SENP3: variants seen among roughly 807,000 people sequenced by gnomAD.
SENP3 encodes SUMO specific peptidase 3.
Under a neutral mutation model 66.2 loss-of-function variants are expected in SENP3, and 11 were observed. The ratio of observed to expected loss-of-function variants is 0.17; its 90% CI spans 0.10 to 0.28. The LOEUF is 0.28. Among genes scored for constraint, SENP3 ranks in the 10% least tolerant of loss-of-function variants. The pLI is 1.00. For missense variants in SENP3, 548 were observed against 743.7 expected, an observed-to-expected ratio of 0.74 and a Z score of 3.06; for synonymous variants, 292 against 277.6, an observed-to-expected ratio of 1.05 and a Z score of -0.52.
Position 7,564,879 on chromosome 17 carries a change from A to C in SENP3, c.955+15A>C. The C allele has an allele frequency of 1.2e-6, 2 of 1,603,392 alleles. No homozygotes were observed. Among genetic ancestry groups the C allele is most frequent in the Non-Finnish European group, 1.7e-6 (2 of 1,172,088 alleles). ...CTGCGTACAGAGTAAGGAGCCCTTA[A>C]GCAACTAGCCTCTCTCCCTTCTCCG... On this transcript the variant is annotated intron_variant, in intron 3 of 10. Transcript: ENST00000321337.
chr17:7,567,789 C>T (rs577236091), intron 7 of SENP3, among the ~76,000 whole-genome samples: 4 of 151,880 alleles, frequency 2.6e-5, no homozygotes, highest in Non-Finnish European at 5.9e-5. Context: ...AAGACATGTA[C>T]GGTAGGCTGA....
chr17:7,563,908 G>A (rs1183390549), intron 2 of SENP3, 117 bp downstream of exon 2: 11 of 876,230 alleles, frequency 1.3e-5, no homozygotes, highest in Non-Finnish European at 1.9e-5. Flanking sequence ...TAGGATGGAA[G>A]AGTGCCGGCT....
Position 7,563,795 on chromosome 17 carries a change from A to G in SENP3, c.715+4A>G. ...TCTCCTCTGGACCCTGACTCGGGTAAGGTGGGAAAGGGGTGTGGGGTTGCG... is the reference window on the plus strand; with the variant it reads ...TCTCCTCTGGACCCTGACTCGGGTAGGGTGGGAAAGGGGTGTGGGGTTGCG... On this transcript the variant is annotated splice_donor_region_variant and intron_variant, in intron 2 of 10. Transcript: ENST00000321337. 1 of 1,007,668 alleles carries G rather than the reference A, an allele frequency of 9.9e-7. No individual in the cohort carries two copies. Among genetic ancestry groups the G allele is most frequent in the Non-Finnish European group, 1.5e-6 (1 of 686,840 alleles). 62.4% of individuals were successfully genotyped at this position (1,007,668 alleles called of 1,614,324 possible).
chr17:7,566,651 G>A (rs1303699647), intron 6 of SENP3, among the ~76,000 whole-genome samples: 1 of 141,902 alleles, frequency 7.0e-6, no homozygotes, highest in Non-Finnish European at 1.5e-5. Flanking sequence ...GGGCGACAGA[G>A]CAAGGCCCTG....
chr17:7,567,633 C>T (rs1452874594), intron 7 of SENP3, among the ~76,000 whole-genome samples: 1 of 151,966 alleles, frequency 6.6e-6, no homozygotes, highest in African/African-American at 2.4e-5. Context: ...GCCAGCCATG[C>T]GCAGACCTGG....
chr17:7,564,832 C>T lies in SENP3; in HGVS notation c.923C>T (p.Pro308Leu). ...GGGGAGAAAGCCGGCCAGCACAGCC[C>T]CCTGCGAGAGGAGCATGTGACCTGC... ...RPGEKAGQHSPLREEHVTCVQ... is the reference protein window; with the variant it reads ...RPGEKAGQHSLLREEHVTCVQ... Residue 308 changes from proline to leucine, a missense_variant, in exon 3 of 11, where the codon CCC (proline) becomes CTC (leucine). By Grantham distance (98) the Pro-to-Leu change is moderately conservative. This residue lies in a region of SENP3 where 215 missense variants were observed against 230.7 expected (regional missense o/e 0.93). Transcript: ENST00000321337. 1 of 1,612,436 alleles carries T rather than the reference C, an allele frequency of 6.2e-7. No individual in the cohort carries two copies. The highest frequency in any genetic ancestry group is 8.5e-7 in the Non-Finnish European group (1 of 1,179,112).
chr17:7,563,726 C>T lies in SENP3; in HGVS notation c.650C>T (p.Ser217Phe). 1 of 1,612,000 alleles carries T rather than the reference C, an allele frequency of 6.2e-7. No individual in the cohort carries two copies. The change falls in exon 2 of 11, where the codon TCT (serine) becomes TTT (phenylalanine). Residue 217 changes from serine (S) to phenylalanine (F), a missense_variant. Transcript: ENST00000321337. ...DGVRGSPPVP[S>F]GPPMEEDGLR... ...GTGAGAGGGTCTCCACCAGTGCCCT[C>T]TGGGCCCCCCATGGAGGAAGATGGA...
intron 4 of SENP3, 122 bp downstream of exon 4, chr17:7,565,192 G>T: frequency 2.3e-6 from 2 of 861,090 alleles, no homozygotes; most frequent in Non-Finnish European, 3.6e-6. Flanking sequence ...TGAAGGGGAG[G>T]ACTCTGCAGG....
intron 3 of SENP3, 23 bp downstream of exon 3, chr17:7,564,887 G>C: frequency 6.2e-7 from 1 of 1,602,632 alleles, no homozygotes; most frequent in Non-Finnish European, 8.5e-7. Flanking sequence ...TAAGCAACTA[G>C]CCTCTCTCCC....
At chr17:7,567,138 A>G in intron 7 of SENP3, 134 bp downstream of exon 7, 3 of 713,452 alleles carry the variant, frequency 4.2e-6, no homozygotes, top group Non-Finnish European at 7.6e-6. Context: ...GTGTGTAGGC[A>G]CTAAGGATAC....
At chr17:7,566,669 T>TA (rs34349099) in intron 6 of SENP3, among the ~76,000 whole-genome samples, 73,772 of 135,768 alleles carry the variant, frequency 0.54, 19,472 homozygotes, top group Middle Eastern at 0.68. Context: ...CTGCCTCAAA[T>TA]AAAAAAAAAA....
rs1020695492 is a variant in SENP3, at chr17:7,562,833, C to T, written c.-11-233C>T. Among the ~76,000 whole-genome samples the T allele has an allele frequency of 2.0e-5, 3 of 152,176 alleles. No homozygotes were observed. The highest frequency in any genetic ancestry group is 2.0e-4 in the Admixed American group (3 of 15,278). On this transcript the variant is annotated intron_variant, in intron 1 of 10. Coordinates refer to ENST00000321337, the MANE Select transcript of SENP3 (RefSeq NM_015670.6). The surrounding 1 kb of genome is among the most constrained non-coding windows in gnomAD (Gnocchi z 5.0). ...GATCTTAGAAATAAGATCTCTGAGG[C>T]CTGCTGCTTAGCCATTTTCCCTTGT...
rs2071222647 is a variant in SENP3 at position 7,562,275 on chromosome 17, C to T, written c.-12+12C>T. 1 of 398,262 alleles carries T rather than the reference C, an allele frequency of 2.5e-6. No homozygotes were observed. Among genetic ancestry groups the T allele is most frequent in the Admixed American group, 4.4e-5 (1 of 22,722 alleles). 24.7% of individuals were successfully genotyped at this position (398,262 alleles called of 1,614,324 possible). A position where few individuals can be genotyped will look rare whatever the true frequency, so the allele number is the denominator to read the frequency against. ...CTTCCCCGCTCCCGGTGAGGACGCCCCCTCCCCTCCCCCCAGCCCTGCCTT... is the reference window on the plus strand; with the variant it reads ...CTTCCCCGCTCCCGGTGAGGACGCCTCCTCCCCTCCCCCCAGCCCTGCCTT... On this transcript the variant is annotated intron_variant, in intron 1 of 10. Coordinates refer to ENST00000321337, the MANE Select transcript of SENP3 (RefSeq NM_015670.6). This position sits in a 1 kb window ranked among gnomAD's most constrained non-coding sequence, Gnocchi z 5.0.
At position 7,570,580 on chromosome 17, in the gene SENP3, T is replaced by C; in HGVS notation, c.1479+87T>C. 6.4e-7 allele frequency: 1 copy of C among 1,570,238 alleles called. No homozygotes were observed. The highest frequency in any genetic ancestry group is 2.3e-5 in the East Asian group (1 of 42,938). ...GGAAGAAGGGTGGGCTTTGGGTCTT[T>C]GAGGGGCGACCTGGGCATGGTGTCT... On this transcript the variant is annotated intron_variant, in intron 8 of 10. Coordinates refer to ENST00000321337, the MANE Select transcript of SENP3 (RefSeq NM_015670.6). This position sits in a 1 kb window ranked among gnomAD's most constrained non-coding sequence, Gnocchi z 5.4.
In SENP3 at chr17:7,570,241, T is replaced by TC; in HGVS notation, c.1342-114dup. ...GCTTGCCCACAATCTAGGCCTTGGG[T>TC]CTTCTGTTCTTTCACTTGGTTCCCT... On this transcript the variant is annotated intron_variant, in intron 7 of 10. Transcript: ENST00000321337. This position sits in a 1 kb window ranked among gnomAD's most constrained non-coding sequence, Gnocchi z 5.4. The TC allele has an allele frequency of 1.5e-6, 2 of 1,301,968 alleles. No homozygotes were observed. Among genetic ancestry groups the TC allele is most frequent in the South Asian group, 2.8e-5 (2 of 71,952 alleles). 80.7% of individuals were successfully genotyped at this position (1,301,968 alleles called of 1,614,324 possible). A position where few individuals can be genotyped will look rare whatever the true frequency, so the allele number is the denominator to read the frequency against.
intron 7 of SENP3, among the ~76,000 whole-genome samples, chr17:7,568,570 CAG>C (rs1236521247): frequency 2.6e-5 from 4 of 151,960 alleles, no homozygotes; most frequent in African/African-American, 4.8e-5. Context: ...CCCTGGGTGA[CAG>C]AGTGAAACTC....
chr17:7,566,799 GTC>G (rs1451309723), intron 6 of SENP3, 126 bp from the exon 7 acceptor site: 1 of 714,672 alleles, frequency 1.4e-6, no homozygotes, highest in Non-Finnish European at 2.4e-6. Context: ...GTGAGACCCT[GTC>G]TCTACCAAAA....
intron 2 of SENP3, among the ~76,000 whole-genome samples, chr17:7,564,178 C>G (rs1364018727): frequency 6.6e-6 from 1 of 152,198 alleles, no homozygotes; most frequent in Non-Finnish European, 1.5e-5. Flanking sequence ...GGGATGGGAT[C>G]TCTCCCAGTA....
chr17:7,566,033 T>A (rs558327568), intron 6 of SENP3: 38 of 295,516 alleles, frequency 1.3e-4, no homozygotes, highest in South Asian at 2.5e-4. Context: ...AAACAAGATT[T>A]AAAAAAAAAA....
Sources: gnomAD v4.1 joint callset for allele counts (sites outside exome capture counted in the v4.1 genomes callset) on GRCh38, gnomAD v4.1.1 for gene constraint, gnomAD v4.1.1 regional missense constraint, Gnocchi (gnomAD v3.1) non-coding constraint, MANE v1.5 for transcripts, NCBI Gene and HGNC (gene_info 2026-07-23, HGNC 2026-07-21) for gene names.